Variants in DTD1 observed in about 807,000 individuals in gnomAD.
The protein encoded by DTD1 is D-tyrosyl-tRNA deacylase 1 homolog.
In DTD1, 13 loss-of-function variants were observed where a neutral mutation model predicts 25.6. That is an observed-to-expected ratio of 0.51 (90% CI 0.33 to 0.81). The LOEUF is 0.81. DTD1 is among the 30% of genes least tolerant of loss of function. The pLI, the probability that DTD1 is intolerant of heterozygous loss-of-function variation, is 0.02. For missense variants in DTD1, 193 were observed against 266.4 expected (o/e 0.72, Z 1.92); for synonymous variants, 110 against 103.6 (o/e 1.06, Z -0.37).
In DTD1 at chr20:18,718,989, G is replaced by A. The variant is rs556125019; in HGVS notation, c.478-25111G>A. ...TGGGGGAGCATGGTCTCCCCGTTTT[G>A]TACAGATGCTCCTAGACTTAGGATG... On this transcript the variant is annotated intron_variant, in intron 4 of 5. Coordinates refer to ENST00000377452, the MANE Select transcript of DTD1 (RefSeq NM_080820.6). Among the ~76,000 whole-genome samples, 8 of 152,264 alleles carry A rather than the reference G, an allele frequency of 5.3e-5. No homozygotes were observed. In the South Asian group the frequency reaches 1.7e-3, roughly 32 times the overall value.
chr20:18,721,843 G>A (rs963046586), intron 4 of DTD1, among the ~76,000 whole-genome samples: 4 of 149,932 alleles, frequency 2.7e-5, no homozygotes, highest in Non-Finnish European at 6.0e-5. Context: ...GTAGTCAGTG[G>A]CATTCCTCCT....
intron 3 of DTD1, among the ~76,000 whole-genome samples, chr20:18,598,366 C>G (rs1224002161): frequency 6.6e-6 from 1 of 152,154 alleles, no homozygotes; most frequent in Non-Finnish European, 1.5e-5. Flanking sequence ...TTTTCTTTAT[C>G]CAGTCTATCA....
chr20:18,680,843 T>G (rs1874464653), intron 4 of DTD1, among the ~76,000 whole-genome samples: 1 of 152,146 alleles, frequency 6.6e-6, no homozygotes, highest in Admixed American at 6.6e-5. Context: ...ACTTTGGTGG[T>G]GTCATCTTAA....
intron 4 of DTD1, among the ~76,000 whole-genome samples, chr20:18,669,704 G>C (rs985712296): frequency 6.6e-6 from 1 of 152,148 alleles, no homozygotes; most frequent in Non-Finnish European, 1.5e-5. Context: ...TTTTGTGTGT[G>C]TGTGACTGCT....
chr20:18,660,746 A>G (rs562519198), intron 4 of DTD1, among the ~76,000 whole-genome samples: 1 of 152,320 alleles, frequency 6.6e-6, no homozygotes, highest in Admixed American at 6.5e-5. Flanking sequence ...TATACCATAA[A>G]CAAATTCAGA....
chr20:18,704,588 G>C (rs117743315), intron 4 of DTD1, among the ~76,000 whole-genome samples: 2 of 152,134 alleles, frequency 1.3e-5, no homozygotes, highest in Non-Finnish European at 2.9e-5. Context: ...GTTATCTCTA[G>C]AGCCATGGTT....
intron 4 of DTD1, among the ~76,000 whole-genome samples, chr20:18,676,230 A>G (rs1334911257): frequency 1.3e-5 from 2 of 152,152 alleles, no homozygotes; most frequent in East Asian, 1.9e-4. Context: ...CTGCTCATCA[A>G]GAGCTCCTCT....
chr20:18,697,604 G>C (rs183659262), intron 4 of DTD1, among the ~76,000 whole-genome samples: 8 of 152,210 alleles, frequency 5.3e-5, no homozygotes, highest in African/African-American at 1.9e-4. Flanking sequence ...TTTCAGGATC[G>C]TGTCTGTTCT....
chr20:18,724,900 T>A (rs1358529873), intron 4 of DTD1, among the ~76,000 whole-genome samples: 1 of 152,264 alleles, frequency 6.6e-6, no homozygotes, highest in East Asian at 1.9e-4. Flanking sequence ...GAAATGTGAC[T>A]GGCATGCCCC....
intron 3 of DTD1, among the ~76,000 whole-genome samples, chr20:18,612,330 G>A (rs1035883059): frequency 2.0e-5 from 3 of 152,096 alleles, no homozygotes; most frequent in African/African-American, 7.2e-5. Context: ...CACCGCGCCT[G>A]GCCCACACAT....
intron 5 of DTD1, among the ~76,000 whole-genome samples, chr20:18,759,733 C>T (rs974794336): frequency 6.6e-6 from 1 of 152,148 alleles, no homozygotes; most frequent in East Asian, 1.9e-4. Context: ...TCTTCTCGAG[C>T]AGTATCTTTG....
intron 4 of DTD1, among the ~76,000 whole-genome samples, chr20:18,660,714 G>A (rs1038123119): frequency 2.0e-5 from 3 of 152,024 alleles, no homozygotes; most frequent in Non-Finnish European, 4.4e-5. Flanking sequence ...GATATATTTT[G>A]ACTAGATAAA....
chr20:18,638,644 AC>A (rs1212329590), intron 4 of DTD1, among the ~76,000 whole-genome samples: 2 of 152,190 alleles, frequency 1.3e-5, no homozygotes. Context: ...CAGAGCTGTG[AC>A]CTGGGGTTGA....
At chr20:18,647,233 C>A (rs1194392463) in intron 4 of DTD1, among the ~76,000 whole-genome samples, 1 of 152,144 alleles carries the variant, frequency 6.6e-6, no homozygotes, top group African/African-American at 2.4e-5. Context: ...GGGTGGTTGC[C>A]TCCATTTGGT....
intron 1 of DTD1, among the ~76,000 whole-genome samples, chr20:18,592,045 G>A (rs1288590072): frequency 6.6e-6 from 1 of 152,170 alleles, no homozygotes; most frequent in Non-Finnish European, 1.5e-5. Flanking sequence ...AATAGCAGGT[G>A]GTCTCTTGCC....
chr20:18,757,719 G>C (rs2061344895), intron 5 of DTD1, among the ~76,000 whole-genome samples: 2 of 152,160 alleles, frequency 1.3e-5, no homozygotes, highest in East Asian at 3.9e-4. Context: ...CAGGGATATT[G>C]GTCTAAAATT....
At chr20:18,702,510 T>A (rs529701655) in intron 4 of DTD1, among the ~76,000 whole-genome samples, 2 of 152,060 alleles carry the variant, frequency 1.3e-5, no homozygotes, top group South Asian at 2.1e-4. Flanking sequence ...CAGGCTGGAG[T>A]ACATACTAGA....
intron 4 of DTD1, among the ~76,000 whole-genome samples, chr20:18,734,054 A>G (rs897213567): frequency 1.3e-5 from 2 of 152,266 alleles, no homozygotes; most frequent in African/African-American, 4.8e-5. Flanking sequence ...AAAACAAATT[A>G]TTCACATATA....
At chr20:18,762,374 C>G (rs2061366480) in intron 5 of DTD1, among the ~76,000 whole-genome samples, 1 of 152,168 alleles carries the variant, frequency 6.6e-6, no homozygotes. Flanking sequence ...GCAATACTAG[C>G]TGGTTTTTGT....
Sources: allele counts gnomAD v4.1 joint callset (sites outside exome capture counted in the v4.1 genomes callset), GRCh38; gene constraint gnomAD v4.1.1; transcripts MANE v1.5; gene names NCBI Gene and HGNC (gene_info 2026-07-23, HGNC 2026-07-21).